Variants in ACTL6B observed in about 807,000 individuals in gnomAD.
The protein encoded by ACTL6B is actin like 6B.
In ACTL6B, 48 loss-of-function variants were observed where a neutral mutation model predicts 63.3. The observed-to-expected ratio is 0.76, with a 90% CI of 0.60 to 0.96. The LOEUF (loss-of-function observed/expected upper bound fraction) is 0.96, where lower values mean the gene tolerates loss of function less well. Among genes scored for constraint, ACTL6B ranks in the 50% least tolerant of loss-of-function variants. The probability of loss-of-function intolerance (pLI) is 0.00; values close to 1 mark genes in which losing one functional copy is unlikely to be tolerated. For missense variants in ACTL6B, 350 were observed against 572.2 expected (o/e 0.61, Z 3.96); for synonymous variants, 230 against 223.8 (o/e 1.03, Z -0.25).
intron 4 of ACTL6B, among the ~76,000 whole-genome samples, chr7:100,650,440 CACAA>C (rs1198776575): frequency 6.6e-6 from 1 of 151,712 alleles, no homozygotes; most frequent in Non-Finnish European, 1.5e-5. Flanking sequence ...CAAACACACT[CACAA>C]ACACACGGTC....
In ACTL6B at chr7:100,655,698, C is replaced by G; in HGVS notation, c.102+105G>C. 1.3e-6 allele frequency: 2 copies of G among 1,510,618 alleles called. No individual in the cohort carries two copies. The highest frequency in any genetic ancestry group is 2.5e-5 in the South Asian group (2 of 78,968). The allele number at this position is 1,510,618 out of a possible 1,614,324, so 93.6% of individuals were successfully genotyped here. ...GCCCCTGGGTTTATTCCCATATTCC[C>G]GCTCAGCAGAGCTTCTGGGCGATCT... is the stretch of plus-strand genomic sequence containing the variant. On this transcript the variant is annotated intron_variant, in intron 2 of 13. Coordinates refer to ENST00000160382, the MANE Select transcript of ACTL6B (RefSeq NM_016188.5). The surrounding 1 kb of genome is among the most constrained non-coding windows in gnomAD (Gnocchi z 4.4).
Position 100,647,298 on chromosome 7 carries a change from G to A in ACTL6B, c.760-14C>T, listed in dbSNP as rs375678559. On this transcript the variant is annotated splice_polypyrimidine_tract_variant and intron_variant, in intron 8 of 13. Coordinates refer to ENST00000160382, the MANE Select transcript of ACTL6B (RefSeq NM_016188.5). The surrounding 1 kb of genome is among the most constrained non-coding windows in gnomAD (Gnocchi z 4.4). Reference sequence around the variant, plus strand: ...CTGGATCACCTCCTGAAATCCCAGCGGAGGTGGTGAGGGCCTGCCTTCCCC... The same window carrying A: ...CTGGATCACCTCCTGAAATCCCAGCAGAGGTGGTGAGGGCCTGCCTTCCCC... 6.2e-6 allele frequency: 10 copies of A among 1,613,012 alleles called. No individual in the cohort carries two copies. The highest frequency in any genetic ancestry group is 1.7e-4 in the Middle Eastern group (1 of 6,046).
chr7:100,654,394 C>T (rs1228518949), intron 4 of ACTL6B, among the ~76,000 whole-genome samples: 2 of 150,182 alleles, frequency 1.3e-5, no homozygotes, highest in South Asian at 2.1e-4. Flanking sequence ...GTTGGGATTA[C>T]AGGTGTGAGC....
rs1273791621 is a variant in ACTL6B, at chr7:100,648,054, G to A, written c.669+502C>T. Among the ~76,000 whole-genome samples the A allele has an allele frequency of 6.6e-6, 1 of 151,758 alleles. No homozygotes were observed. Among genetic ancestry groups the A allele is most frequent in the Non-Finnish European group, 1.5e-5 (1 of 67,938 alleles). ...GGCTCACTGCAACCTCTGCCTCCGG[G>A]GTTCAGGTGATTCTCCAGTCTCAGC... On this transcript the variant is annotated intron_variant, in intron 7 of 13. Coordinates refer to ENST00000160382, the MANE Select transcript of ACTL6B (RefSeq NM_016188.5). The surrounding 1 kb of genome is among the most constrained non-coding windows in gnomAD (Gnocchi z 4.4).
intron 1 of ACTL6B, 137 bp downstream of exon 1, chr7:100,656,193 G>T: frequency 9.3e-7 from 1 of 1,072,528 alleles, no homozygotes; most frequent in Non-Finnish European, 1.2e-6. Flanking sequence ...CGAGCGCAGG[G>T]GTGGCGGGAG....
intron 1 of ACTL6B, among the ~76,000 whole-genome samples, 194 bp from the exon 2 acceptor site, chr7:100,656,073 C>T (rs532869894): frequency 1.3e-5 from 2 of 152,362 alleles, no homozygotes; most frequent in African/African-American, 4.8e-5. Flanking sequence ...CCCTTCTTGC[C>T]CAATGGCCTT....
intron 4 of ACTL6B, among the ~76,000 whole-genome samples, chr7:100,652,043 A>G (rs1584470242): frequency 6.6e-6 from 1 of 152,202 alleles, no homozygotes; most frequent in South Asian, 2.1e-4. Flanking sequence ...CCCCTGGCAG[A>G]GGGCTACTAG....
intron 1 of ACTL6B, 127 bp downstream of exon 1, chr7:100,656,203 G>T: frequency 8.6e-7 from 1 of 1,157,016 alleles, no homozygotes; most frequent in African/African-American, 1.6e-5. Flanking sequence ...GGTGGCGGGA[G>T]ACCCGAGCCT....
Position 100,647,599 on chromosome 7 carries a change from C to A in ACTL6B, c.670-66G>T. The A allele has an allele frequency of 8.1e-7, 1 of 1,239,684 alleles. No homozygotes were observed. The highest frequency in any genetic ancestry group is 1.4e-5 in the South Asian group (1 of 70,296). The allele number at this position is 1,239,684 out of a possible 1,614,324, so 76.8% of individuals were successfully genotyped here. On this transcript the variant is annotated intron_variant, in intron 7 of 13. Transcript: ENST00000160382. The surrounding 1 kb of genome is among the most constrained non-coding windows in gnomAD (Gnocchi z 4.4). ...CTGACCCCCACCCCCACCTTCCTGGCACTGTTCCCAGCTCTGCAGCTACCT... is the reference window on the plus strand; with the variant it reads ...CTGACCCCCACCCCCACCTTCCTGGAACTGTTCCCAGCTCTGCAGCTACCT...
chr7:100,655,351 G>A lies in ACTL6B; in HGVS notation c.268+70C>T. The A allele has an allele frequency of 1.3e-6, 2 of 1,523,842 alleles. No individual in the cohort carries two copies. The highest frequency in any genetic ancestry group is 1.9e-5 in the Admixed American group (1 of 52,964). The allele number at this position is 1,523,842 out of a possible 1,614,324, so 94.4% of individuals were successfully genotyped here. Reference sequence around the variant, plus strand: ...AAGGAAGACTCCGCGGGGAGTGGGGGCTGCTATGACCCAGATTGTGGGGAG... The same window carrying A: ...AAGGAAGACTCCGCGGGGAGTGGGGACTGCTATGACCCAGATTGTGGGGAG... On this transcript the variant is annotated intron_variant, in intron 3 of 13. Transcript: ENST00000160382. The surrounding 1 kb of genome is among the most constrained non-coding windows in gnomAD (Gnocchi z 4.4).
In ACTL6B at chr7:100,648,837, G is replaced by A. The variant is rs1483033272; in HGVS notation, c.468-14C>T. The A allele has an allele frequency of 6.2e-7, 1 of 1,611,544 alleles. No homozygotes were observed. ...CCGTTTGCAAAGCTGGCATCGGATG[G>A]GTAAGTCAAAGAGACAGCAGCAGCA... On this transcript the variant is annotated splice_polypyrimidine_tract_variant and intron_variant, in intron 5 of 13. Coordinates refer to ENST00000160382, the MANE Select transcript of ACTL6B (RefSeq NM_016188.5). This position sits in a 1 kb window ranked among gnomAD's most constrained non-coding sequence, Gnocchi z 4.4.
Position 100,646,488 on chromosome 7 carries a change from T to C in ACTL6B, c.1113+63A>G. On this transcript the variant is annotated intron_variant, in intron 12 of 13. Transcript: ENST00000160382. The surrounding 1 kb of genome is among the most constrained non-coding windows in gnomAD (Gnocchi z 6.1). ...AAGGACATGGGAAGGATGAAGGGAC[T>C]CAGTCCTGGACAGCTGAGCCAGGAC... The C allele has an allele frequency of 6.3e-7, 1 of 1,575,116 alleles. No homozygotes were observed.
At chr7:100,656,026 C>T in intron 1 of ACTL6B, 147 bp from the exon 2 acceptor site, 1 of 869,294 alleles carries the variant, frequency 1.2e-6, no homozygotes, top group Non-Finnish European at 1.7e-6. Context: ...AGTCCGAGGT[C>T]CTGGGACTGG....
rs1804039076 is a variant in ACTL6B, at chr7:100,656,313, G to A, written c.25+17C>T. On this transcript the variant is annotated intron_variant, in intron 1 of 13. Transcript: ENST00000160382. Reference sequence around the variant, plus strand: ...GAACGCAGGGCTGCGGGAGCCGGGGGCCCGAGGCTCGCTCACCTCCGCCGT... The same window carrying A: ...GAACGCAGGGCTGCGGGAGCCGGGGACCCGAGGCTCGCTCACCTCCGCCGT... The A allele has an allele frequency of 2.2e-6, 3 of 1,382,518 alleles. No individual in the cohort carries two copies. Among genetic ancestry groups the A allele is most frequent in the East Asian group, 3.0e-5 (1 of 33,268 alleles). The allele number at this position is 1,382,518 out of a possible 1,614,324, so 85.6% of individuals were successfully genotyped here.
chr7:100,650,340 A>G (rs1803916475), intron 4 of ACTL6B, among the ~76,000 whole-genome samples: 1 of 151,580 alleles, frequency 6.6e-6, no homozygotes, highest in African/African-American at 2.4e-5. Context: ...ACACACATAC[A>G]CTCAAACACA....
rs1485907174 is a variant in ACTL6B, at chr7:100,648,052, G to A, written c.669+504C>T. Among the ~76,000 whole-genome samples, 8 of 150,602 alleles carry A rather than the reference G, an allele frequency of 5.3e-5. No individual in the cohort carries two copies. The highest frequency in any genetic ancestry group is 2.0e-4 in the African/African-American group (8 of 40,962). On this transcript the variant is annotated intron_variant, in intron 7 of 13. Coordinates refer to ENST00000160382, the MANE Select transcript of ACTL6B (RefSeq NM_016188.5). The surrounding 1 kb of genome is among the most constrained non-coding windows in gnomAD (Gnocchi z 4.4). ...TCGGCTCACTGCAACCTCTGCCTCCGGGGTTCAGGTGATTCTCCAGTCTCA... is the reference window on the plus strand; with the variant it reads ...TCGGCTCACTGCAACCTCTGCCTCCAGGGTTCAGGTGATTCTCCAGTCTCA...
Position 100,647,153 on chromosome 7 carries a change from GC to G in ACTL6B, c.821+69del. On this transcript the variant is annotated intron_variant, in intron 9 of 13. Transcript: ENST00000160382. The surrounding 1 kb of genome is among the most constrained non-coding windows in gnomAD (Gnocchi z 4.4). ...GGATCAGTGCGTGGGCAGCACCAGA[GC>G]CCCCCAGCCCACCCCAAGAGTGCCG... 1.9e-6 allele frequency: 3 copies of G among 1,605,576 alleles called. No individual in the cohort carries two copies. The highest frequency in any genetic ancestry group is 2.6e-6 in the Non-Finnish European group (3 of 1,172,620).
intron 4 of ACTL6B, among the ~76,000 whole-genome samples, chr7:100,652,178 C>G (rs551941454): frequency 6.6e-6 from 1 of 151,662 alleles, no homozygotes. Context: ...GCCGGCGGAT[C>G]GCGAGGTCAG....
At chr7:100,654,276 A>T (rs182045200) in intron 4 of ACTL6B, among the ~76,000 whole-genome samples, 576 of 151,492 alleles carry the variant, frequency 3.8e-3, no homozygotes, top group Admixed American at 5.3e-3. Context: ...CCGGCAAAAA[A>T]TTTTTAATTT....
Sources: allele counts gnomAD v4.1 joint callset (sites outside exome capture counted in the v4.1 genomes callset), GRCh38; gene constraint gnomAD v4.1.1; non-coding constraint Gnocchi (gnomAD v3.1); transcripts MANE v1.5; gene names NCBI Gene and HGNC (gene_info 2026-07-23, HGNC 2026-07-21).